Variants in ITPR1 observed in about 807,000 individuals in gnomAD.
ITPR1 encodes inositol 1,4,5-trisphosphate-gated calcium channel ITPR1.
In ITPR1, 96 loss-of-function variants were observed where a neutral mutation model predicts 318.4. The ratio of observed to expected loss-of-function variants is 0.30; its 90% CI spans 0.26 to 0.36. ITPR1 has a LOEUF of 0.36. Among genes scored for constraint, ITPR1 ranks in the 10% least tolerant of loss-of-function variants. The probability of loss-of-function intolerance (pLI) is 1.00; values close to 1 mark genes in which losing one functional copy is unlikely to be tolerated. For missense variants in ITPR1, 2,440 were observed against 3,460.2 expected, an observed-to-expected ratio of 0.71 and a Z score of 7.40; for synonymous variants, 1,312 against 1,289.9, an observed-to-expected ratio of 1.02 and a Z score of -0.37.
intron 44 of ITPR1, among the ~76,000 whole-genome samples, chr3:4,743,898 G>A (rs759350442): frequency 1.3e-5 from 2 of 152,168 alleles, no homozygotes; most frequent in African/African-American, 2.4e-5. Context: ...GCAGTGGCGC[G>A]ATCTCAGCTC....
chr3:4,829,296 G>A (rs974410325), intron 60 of ITPR1, among the ~76,000 whole-genome samples: 2 of 152,168 alleles, frequency 1.3e-5, no homozygotes, highest in African/African-American at 4.8e-5. Context: ...ATGTCACAAG[G>A]CTGTGGCAGA....
chr3:4,669,044 G>A (rs1378365444), intron 18 of ITPR1, among the ~76,000 whole-genome samples: 1 of 152,162 alleles, frequency 6.6e-6, no homozygotes, highest in African/African-American at 2.4e-5. Context: ...AATGGAGCAC[G>A]GACACAGTTG....
At chr3:4,653,729 C>A in intron 11 of ITPR1, 113 bp from the exon 12 acceptor site, 2 of 693,240 alleles carry the variant, frequency 2.9e-6, no homozygotes, top group Non-Finnish European at 5.2e-6. Context: ...AGGGAATGGA[C>A]AAGTTCTTAG....
intron 40 of ITPR1, among the ~76,000 whole-genome samples, chr3:4,721,934 A>G (rs1344432012): frequency 2.0e-5 from 3 of 152,240 alleles, no homozygotes; most frequent in Non-Finnish European, 4.4e-5. Context: ...TCATTTAAGA[A>G]TGATAAAGTA....
At chr3:4,510,383 G>A (rs981576305) in intron 2 of ITPR1, among the ~76,000 whole-genome samples, 3 of 152,182 alleles carry the variant, frequency 2.0e-5, no homozygotes, top group Admixed American at 1.3e-4. Context: ...GTTGTATGCC[G>A]AATAGATTGA....
At chr3:4,685,235 C>A in intron 30 of ITPR1, 29 bp downstream of exon 30, 1 of 1,575,834 alleles carries the variant, frequency 6.3e-7, no homozygotes, top group Non-Finnish European at 8.6e-7. Context: ...ACAGCAGCTG[C>A]TCTCAGGATG....
intron 24 of ITPR1, among the ~76,000 whole-genome samples, chr3:4,679,212 T>C (rs1490683251): frequency 6.6e-6 from 1 of 152,166 alleles, no homozygotes. Flanking sequence ...AGGCAGAAAG[T>C]AGATGAAGGC....
chr3:4,634,981 G>C (rs1191329471), intron 5 of ITPR1, among the ~76,000 whole-genome samples: 4 of 152,214 alleles, frequency 2.6e-5, no homozygotes, highest in East Asian at 1.9e-4. Flanking sequence ...GACTTCAGGT[G>C]ATCTGCCCGC....
chr3:4,731,419 G>A (rs1559790619), intron 42 of ITPR1, among the ~76,000 whole-genome samples: 1 of 152,136 alleles, frequency 6.6e-6, no homozygotes, highest in Non-Finnish European at 1.5e-5. Flanking sequence ...AAGCACTCTT[G>A]GAATTTTGAA....
chr3:4,676,763 G>T lies in ITPR1; in HGVS notation c.2929G>T (p.Val977Phe). ...QAEPEKEDIM[V>F]MDTKLKIIEI... is the part of the protein sequence containing the mutation. Reference sequence around the variant, plus strand: ...AGAGCCTGAGAAGGAGGACATCATGGTCATGGACACCAAGCTGAAGATCAT... The same window carrying T: ...AGAGCCTGAGAAGGAGGACATCATGTTCATGGACACCAAGCTGAAGATCAT... The change falls in exon 24 of 62, where the codon GTC becomes TTC. Residue 977 changes from valine (V) to phenylalanine (F), a missense_variant. Physicochemically the swap from Val to Phe is conservative, Grantham distance 50. Coordinates refer to ENST00000649015, the MANE Select transcript of ITPR1 (RefSeq NM_001378452.1). 6.2e-7 allele frequency: 1 copy of T among 1,613,732 alleles called. No individual in the cohort carries two copies. Among genetic ancestry groups the T allele is most frequent in the Non-Finnish European group, 8.5e-7 (1 of 1,179,816 alleles).
intron 48 of ITPR1, among the ~76,000 whole-genome samples, chr3:4,777,788 C>A (rs76901089): frequency 3.1e-4 from 45 of 146,316 alleles, no homozygotes; most frequent in African/African-American, 3.5e-4. Flanking sequence ...TATCTAGGAC[C>A]AAAAAAAAAA....
At chr3:4,758,692 C>G (rs1250393610) in intron 44 of ITPR1, among the ~76,000 whole-genome samples, 1 of 151,994 alleles carries the variant, frequency 6.6e-6, no homozygotes, top group Non-Finnish European at 1.5e-5. Context: ...AGGAGTGTCC[C>G]CCTTTGAACT....
intron 37 of ITPR1, among the ~76,000 whole-genome samples, chr3:4,708,857 T>C (rs1027894060): frequency 7.2e-5 from 11 of 152,316 alleles, no homozygotes; most frequent in Admixed American, 3.3e-4. Flanking sequence ...CTATAATTAA[T>C]CCCCATCTAG....
At chr3:4,496,367 T>A (rs1364548174) in intron 2 of ITPR1, among the ~76,000 whole-genome samples, 1 of 152,166 alleles carries the variant, frequency 6.6e-6, no homozygotes, top group Non-Finnish European at 1.5e-5. Context: ...TACAATCTGC[T>A]CTTTGAATAA....
chr3:4,755,905 T>A (rs2044935726), intron 44 of ITPR1, among the ~76,000 whole-genome samples: 1 of 152,198 alleles, frequency 6.6e-6, no homozygotes, highest in South Asian at 2.1e-4. Context: ...CTTCATCGCT[T>A]CCTTTCTACT....
At chr3:4,548,753 T>G (rs908358964) in intron 4 of ITPR1, among the ~76,000 whole-genome samples, 1 of 152,212 alleles carries the variant, frequency 6.6e-6, no homozygotes, top group Non-Finnish European at 1.5e-5. Context: ...CCTCCAATTT[T>G]AATCTGAAAT....
chr3:4,742,115 G>A (rs1183656084), intron 44 of ITPR1, among the ~76,000 whole-genome samples: 1 of 152,170 alleles, frequency 6.6e-6, no homozygotes, highest in Admixed American at 6.5e-5. Flanking sequence ...GAGAAATGGT[G>A]GCGTAAAGGT....
chr3:4,504,048 C>T (rs527633322), intron 2 of ITPR1, among the ~76,000 whole-genome samples: 6 of 152,016 alleles, frequency 3.9e-5, no homozygotes, highest in Non-Finnish European at 7.4e-5. Flanking sequence ...TTTTTCTACC[C>T]GTAAATTAAA....
intron 2 of ITPR1, among the ~76,000 whole-genome samples, chr3:4,495,130 A>G (rs1311864583): frequency 6.6e-6 from 1 of 152,164 alleles, no homozygotes; most frequent in Non-Finnish European, 1.5e-5. Context: ...ATTTATCTGT[A>G]AACACAACAG....
Sources: gnomAD v4.1 joint callset for allele counts (sites outside exome capture counted in the v4.1 genomes callset) on GRCh38, gnomAD v4.1.1 for gene constraint, MANE v1.5 for transcripts, NCBI Gene and HGNC (gene_info 2026-07-23, HGNC 2026-07-21) for gene names.